PDE7B: variants seen among roughly 807,000 people sequenced by gnomAD.
PDE7B encodes phosphodiesterase 7B.
Under a neutral mutation model 56.2 loss-of-function variants are expected in PDE7B, and 29 were observed. That is an observed-to-expected ratio of 0.52 (90% confidence interval 0.38 to 0.70). The LOEUF (loss-of-function observed/expected upper bound fraction) is 0.70. Ranked by LOEUF, PDE7B falls within the 30% of genes least tolerant of loss-of-function variation. The pLI, the probability that PDE7B is intolerant of heterozygous loss-of-function variation, is 0.00. For synonymous variants in PDE7B, 197 were observed against 196.9 expected (o/e 1.00, Z 0.00); for missense variants, 490 against 565.0 (o/e 0.87, Z 1.35).
At chr6:135,877,358 C>CTTTTTTTTTTTT (rs11302793) in intron 1 of PDE7B, among the ~76,000 whole-genome samples, 2 of 126,948 alleles carry the variant, frequency 1.6e-5, no homozygotes, top group Non-Finnish European at 1.7e-5. Context: ...TTACACATTC[C>CTTTTTTTTTTTT]TTTTTTTTTT....
intron 2 of PDE7B, among the ~76,000 whole-genome samples, chr6:136,072,176 A>G (rs1015404133): frequency 1.3e-5 from 2 of 152,222 alleles, no homozygotes; most frequent in Non-Finnish European, 2.9e-5. Flanking sequence ...GGCAAATACA[A>G]TAAACACAGT....
In PDE7B at chr6:135,853,308, G is replaced by C. The variant is rs142922404; in HGVS notation, c.21+1289G>C. Among the ~76,000 whole-genome samples, 61 of 152,288 alleles carry C rather than the reference G, an allele frequency of 4.0e-4. 2 individuals carry two copies. The South Asian group carries it at 7.0e-3, about 18-fold the overall frequency. ...AGGGTTAAAAAAATTAACTGCATAA[G>C]ACTGGAATGTACTAAGTTAAGAACT... On this transcript the variant is annotated intron_variant, in intron 1 of 12. Coordinates refer to ENST00000308191, the MANE Select transcript of PDE7B (RefSeq NM_018945.4).
At chr6:136,002,456 A>G (rs1327124001) in intron 2 of PDE7B, among the ~76,000 whole-genome samples, 1 of 152,218 alleles carries the variant, frequency 6.6e-6, no homozygotes, top group Non-Finnish European at 1.5e-5. Flanking sequence ...CAGGAAACCC[A>G]TCTCACGTGC....
intron 2 of PDE7B, among the ~76,000 whole-genome samples, chr6:135,949,506 T>G (rs565385254): frequency 1.6e-4 from 25 of 152,080 alleles, no homozygotes; most frequent in Admixed American, 2.6e-4. Context: ...ATAAATCAGT[T>G]TTATGTTGCT....
At chr6:135,928,593 A>G (rs1000537077) in intron 1 of PDE7B, among the ~76,000 whole-genome samples, 2 of 147,362 alleles carry the variant, frequency 1.4e-5, no homozygotes, top group African/African-American at 5.0e-5. Flanking sequence ...ATACACATAC[A>G]TACATATACA....
intron 2 of PDE7B, among the ~76,000 whole-genome samples, chr6:136,091,065 C>G (rs1420167213): frequency 6.6e-6 from 1 of 152,148 alleles, no homozygotes; most frequent in Non-Finnish European, 1.5e-5. Context: ...TTTGCTTTTG[C>G]CTCATGTGTC....
At chr6:135,915,205 G>A (rs1021533622) in intron 1 of PDE7B, among the ~76,000 whole-genome samples, 6 of 152,070 alleles carry the variant, frequency 3.9e-5, no homozygotes, top group South Asian at 2.1e-4. Context: ...CCCAGTTGAC[G>A]GACATTTGGA....
chr6:136,098,409 G>C (rs149525432), intron 2 of PDE7B, among the ~76,000 whole-genome samples: 308 of 152,270 alleles, frequency 2.0e-3, no homozygotes, highest in African/African-American at 6.8e-3. Context: ...CAGTGTAAGA[G>C]TCTAAGTAAA....
At chr6:136,148,705 G>T (rs552163550) in intron 4 of PDE7B, among the ~76,000 whole-genome samples, 1 of 152,088 alleles carries the variant, frequency 6.6e-6, no homozygotes, top group Non-Finnish European at 1.5e-5. Context: ...CACTCTTGGC[G>T]GTGTCTCTCC....
At chr6:136,144,341 C>A (rs1012823623) in intron 3 of PDE7B, among the ~76,000 whole-genome samples, 1 of 152,144 alleles carries the variant, frequency 6.6e-6, no homozygotes. Context: ...TTACTGCACA[C>A]ATTTTTGCTT....
intron 3 of PDE7B, among the ~76,000 whole-genome samples, chr6:136,135,213 A>C (rs958390437): frequency 2.0e-5 from 3 of 152,096 alleles, no homozygotes; most frequent in Non-Finnish European, 2.9e-5. Flanking sequence ...AGTTCCTTTA[A>C]GCTCAAACAG....
At chr6:136,070,735 TG>T (rs1777035687) in intron 2 of PDE7B, among the ~76,000 whole-genome samples, 1 of 152,206 alleles carries the variant, frequency 6.6e-6, no homozygotes, top group Non-Finnish European at 1.5e-5. Context: ...TGCAACATAT[TG>T]ACTTTTTTAT....
rs367732928 is a variant in PDE7B at position 136,091,390 on chromosome 6, T to C, written c.83-17341T>C. Among the ~76,000 whole-genome samples the C allele has an allele frequency of 2.6e-4, 40 of 152,366 alleles. No individual in the cohort carries two copies. In the East Asian group the frequency reaches 3.7e-3, roughly 14 times the overall value. ...AATGTTCTGATAACAAGTTAACAAC[T>C]GCAGAATCCTGTGATTAGAAGGTTA... On this transcript the variant is annotated intron_variant, in intron 2 of 12. Coordinates refer to ENST00000308191, the MANE Select transcript of PDE7B (RefSeq NM_018945.4).
At chr6:136,066,405 T>C (rs777603873) in intron 2 of PDE7B, among the ~76,000 whole-genome samples, 4 of 152,220 alleles carry the variant, frequency 2.6e-5, no homozygotes, top group South Asian at 2.1e-4. Context: ...TGAAACGTTA[T>C]TGATGCTCCT....
At chr6:136,098,311 T>C (rs1411230110) in intron 2 of PDE7B, among the ~76,000 whole-genome samples, 1 of 152,080 alleles carries the variant, frequency 6.6e-6, no homozygotes, top group Non-Finnish European at 1.5e-5. Flanking sequence ...CAGAAGAATA[T>C]CTTTTCCTAA....
intron 1 of PDE7B, among the ~76,000 whole-genome samples, chr6:135,920,495 G>T (rs1374207012): frequency 3.3e-5 from 5 of 152,036 alleles, no homozygotes; most frequent in Admixed American, 6.6e-5. Context: ...CAAACCATTT[G>T]CAGCTCCACC....
intron 2 of PDE7B, among the ~76,000 whole-genome samples, chr6:136,010,854 A>G (rs1386168966): frequency 6.6e-6 from 1 of 152,168 alleles, no homozygotes; most frequent in Non-Finnish European, 1.5e-5. Context: ...GAACAAGGTC[A>G]GGACAGAGAA....
intron 8 of PDE7B, among the ~76,000 whole-genome samples, chr6:136,172,902 A>G (rs920622718): frequency 1.3e-5 from 2 of 152,200 alleles, no homozygotes; most frequent in African/African-American, 4.8e-5. Flanking sequence ...TCCCATTCAC[A>G]ATTGCTTCAA....
chr6:136,008,063 T>C (rs1354800140), intron 2 of PDE7B, among the ~76,000 whole-genome samples: 3 of 142,828 alleles, frequency 2.1e-5, no homozygotes, highest in African/African-American at 5.2e-5. Context: ...AATTCCCACC[T>C]ATGAGTGAGA....
Sources: allele counts gnomAD v4.1 joint callset (sites outside exome capture counted in the v4.1 genomes callset), GRCh38; gene constraint gnomAD v4.1.1; transcripts MANE v1.5; gene names NCBI Gene and HGNC (gene_info 2026-07-23, HGNC 2026-07-21).